The following TESPA1 variants were observed in gnomAD, a reference collection of about 807,000 sequenced individuals.
TESPA1 encodes protein TESPA1.
In TESPA1, 33 loss-of-function variants were observed where a neutral mutation model predicts 57.9. The observed-to-expected ratio is 0.57, with a 90% CI of 0.43 to 0.76. The LOEUF (loss-of-function observed/expected upper bound fraction) is 0.76. Among genes scored for constraint, TESPA1 ranks in the 30% least tolerant of loss-of-function variants. The pLI, the probability that TESPA1 is intolerant of heterozygous loss-of-function variation, is 0.00. For missense variants in TESPA1, 618 were observed against 632.9 expected, an observed-to-expected ratio of 0.98 and a Z score of 0.25; for synonymous variants, 227 against 228.9, an observed-to-expected ratio of 0.99 and a Z score of 0.07.
chr12:54,970,909 A>G lies in TESPA1; in HGVS notation c.206+2568T>C, dbSNP rs75045393. Among the ~76,000 whole-genome samples, 1,158 of 152,304 alleles carry G rather than the reference A, an allele frequency of 7.6e-3. 9 individuals are homozygous for G. The highest frequency in any genetic ancestry group is 0.051 in the Middle Eastern group (15 of 294). On this transcript the variant is annotated intron_variant, in intron 3 of 10. Coordinates refer to ENST00000449076, the MANE Select transcript of TESPA1 (RefSeq NM_001136030.3). ...ATTTAAGCTGAAGCCCACACAGATG[A>G]TTTTTGGGCTCCCAACCCCACCTCT...
intron 7 of TESPA1, among the ~76,000 whole-genome samples, chr12:54,965,706 T>C (rs1191057042): frequency 6.6e-6 from 1 of 152,214 alleles, no homozygotes; most frequent in Non-Finnish European, 1.5e-5. Flanking sequence ...ATTAATATTT[T>C]ATTGCTTCAT....
chr12:54,974,117 A>G (rs906485781), intron 2 of TESPA1, among the ~76,000 whole-genome samples: 3 of 152,230 alleles, frequency 2.0e-5, no homozygotes, highest in African/African-American at 7.2e-5. Context: ...AACACCCCAA[A>G]GCATTCATAG....
At chr12:54,962,243 C>T (rs969713840) in intron 9 of TESPA1, among the ~76,000 whole-genome samples, 188 bp downstream of exon 9, 1 of 152,196 alleles carries the variant, frequency 6.6e-6, no homozygotes. Context: ...CTCGACTGCT[C>T]TTAGGAAACC....
At chr12:54,971,366 C>T (rs887226870) in intron 3 of TESPA1, among the ~76,000 whole-genome samples, 1 of 152,228 alleles carries the variant, frequency 6.6e-6, no homozygotes, top group African/African-American at 2.4e-5. Flanking sequence ...CCTCTATCTT[C>T]TTCATTAGCT....
chr12:54,954,396 C>CG (rs1950605951), intron 10 of TESPA1, among the ~76,000 whole-genome samples: 1 of 152,220 alleles, frequency 6.6e-6, no homozygotes, highest in African/African-American at 2.4e-5. Flanking sequence ...CCTCAGTCTT[C>CG]CCTTTATCTA....
intron 3 of TESPA1, among the ~76,000 whole-genome samples, chr12:54,971,343 A>AGAAT (rs1436189091): frequency 6.6e-6 from 1 of 152,262 alleles, no homozygotes; most frequent in Non-Finnish European, 1.5e-5. Context: ...TCTCATGTTT[A>AGAAT]GAATGCGTTT....
intron 1 of TESPA1, among the ~76,000 whole-genome samples, chr12:54,978,420 A>T (rs1205110107): frequency 6.6e-6 from 1 of 152,186 alleles, no homozygotes; most frequent in Admixed American, 6.6e-5. Flanking sequence ...ATGTTTATTA[A>T]TTTATTTAGG....
chr12:54,974,422 G>T lies in TESPA1; in HGVS notation c.141C>A (p.Ser47Arg). Residue 47 changes from serine to arginine, a missense_variant, in exon 2 of 11, where the codon AGC becomes AGA. Coordinates refer to ENST00000449076, the MANE Select transcript of TESPA1 (RefSeq NM_001136030.3). ...LQDVPDPEPS[S>R]LDDVFQEGNP... ...TACCTTCTTGGAAAACGTCATCCAG[G>T]CTGGAAGGCTCAGGATCTGGGACAT... 1 of 1,608,682 alleles carries T rather than the reference G, an allele frequency of 6.2e-7. No individual in the cohort carries two copies. Among genetic ancestry groups the T allele is most frequent in the Admixed American group, 1.7e-5 (1 of 59,392 alleles).
chr12:54,967,325 A>G, intron 4 of TESPA1, 89 bp from the exon 5 acceptor site: 1 of 1,429,084 alleles, frequency 7.0e-7, no homozygotes, highest in South Asian at 1.2e-5. Flanking sequence ...GAACATCTTC[A>G]CATGCCCTTA....
intron 5 of TESPA1, 101 bp from the exon 6 acceptor site, chr12:54,966,525 T>C (rs959159152): frequency 7.2e-7 from 1 of 1,388,634 alleles, no homozygotes. Flanking sequence ...CTGTTTCTTT[T>C]TGTGACTATG....
intron 3 of TESPA1, among the ~76,000 whole-genome samples, 187 bp downstream of exon 3, chr12:54,973,290 G>C (rs549407578): frequency 2.0e-5 from 3 of 152,266 alleles, no homozygotes; most frequent in African/African-American, 7.2e-5. Context: ...AGTTGCACTT[G>C]ATTCACAATT....
intron 1 of TESPA1, among the ~76,000 whole-genome samples, chr12:54,974,998 T>C (rs1952067571): frequency 6.6e-6 from 1 of 152,188 alleles, no homozygotes; most frequent in African/African-American, 2.4e-5. Context: ...CATCTTTAAG[T>C]TTACAACTTA....
At chr12:54,984,313 G>C (rs772453005) in intron 1 of TESPA1, 1 of 152,122 alleles carries the variant, frequency 6.6e-6, no homozygotes, top group Non-Finnish European at 1.5e-5. Flanking sequence ...TGTTATTCAA[G>C]TCATCAAAGA....
intron 7 of TESPA1, 64 bp downstream of exon 7, chr12:54,965,989 G>T: frequency 6.8e-7 from 1 of 1,474,054 alleles, no homozygotes; most frequent in Non-Finnish European, 9.3e-7. Context: ...AATGGCTCTT[G>T]GTTCCATTCT....
At chr12:54,961,309 GA>G (rs1565836581) in intron 9 of TESPA1, 42 bp from the exon 10 acceptor site, 1 of 1,611,050 alleles carries the variant, frequency 6.2e-7, no homozygotes, top group Admixed American at 1.7e-5. Flanking sequence ...AGCCAAGGGG[GA>G]AAGGGGGTAA....
chr12:54,974,817 C>G (rs946595797), intron 1 of TESPA1, among the ~76,000 whole-genome samples: 1 of 152,174 alleles, frequency 6.6e-6, no homozygotes, highest in Non-Finnish European at 1.5e-5. Context: ...ATAAGTCTTT[C>G]AAGCCAGAAA....
Position 54,948,523 on chromosome 12 carries a change from A to G in TESPA1, c.*1869T>C, listed in dbSNP as rs1218804272. 1 of 152,640 alleles carries G rather than the reference A, an allele frequency of 6.6e-6. No homozygotes were observed. Among genetic ancestry groups the G allele is most frequent in the Non-Finnish European group, 1.5e-5 (1 of 68,404 alleles). 9.5% of individuals were successfully genotyped at this position (152,640 alleles called of 1,614,324 possible). On this transcript the variant is annotated 3_prime_UTR_variant, in exon 11 of 11. Transcript: ENST00000449076. ...TACTGTATAATGAGTGAGTTCTTAC[A>G]AGATCTGGTCATTTAAAAGTGTTAG...
At chr12:54,972,323 C>T (rs1355445042) in intron 3 of TESPA1, among the ~76,000 whole-genome samples, 5 of 152,066 alleles carry the variant, frequency 3.3e-5, no homozygotes, top group African/African-American at 9.7e-5. Context: ...TACTTGGCAC[C>T]CCTCTAGGTT....
At chr12:54,955,249 A>G (rs894527865) in intron 10 of TESPA1, among the ~76,000 whole-genome samples, 9 of 152,334 alleles carry the variant, frequency 5.9e-5, no homozygotes, top group Non-Finnish European at 1.0e-4. Flanking sequence ...TGATAATTCC[A>G]AAATATATGA....
Sources: allele counts gnomAD v4.1 joint callset (sites outside exome capture counted in the v4.1 genomes callset), GRCh38; gene constraint gnomAD v4.1.1; transcripts MANE v1.5; gene names NCBI Gene and HGNC (gene_info 2026-07-23, HGNC 2026-07-21).